MYO1E: variants seen among roughly 807,000 people sequenced by gnomAD.
MYO1E encodes the protein myosin IE.
Under a neutral mutation model 151.1 loss-of-function variants are expected in MYO1E, and 68 were observed. The observed-to-expected ratio is 0.45, with a 90% confidence interval of 0.37 to 0.55. The LOEUF is 0.55. MYO1E is among the 20% of genes least tolerant of loss of function. MYO1E has a pLI of 0.00. For synonymous variants in MYO1E, 601 were observed against 501.7 expected (o/e 1.20, Z -2.64); for missense variants, 1,363 against 1,389.3 (o/e 0.98, Z 0.30).
chr15:59,278,913 G>C (rs1208733064), intron 1 of MYO1E, among the ~76,000 whole-genome samples: 1 of 152,174 alleles, frequency 6.6e-6, no homozygotes, highest in African/African-American at 2.4e-5. Flanking sequence ...TGGAGAAACT[G>C]AAGCTTGGGG....
In MYO1E at chr15:59,207,196, A is replaced by G. The variant is rs1352869300; in HGVS notation, c.1530+1485T>C. ...TGGATCGGTGGGCATGGCCTGCGCT[A>G]TCAGCATCTTATTAAAAGGCTTGAG... On this transcript the variant is annotated intron_variant, in intron 14 of 27. Coordinates refer to ENST00000288235, the MANE Select transcript of MYO1E (RefSeq NM_004998.4). 6.2e-7 allele frequency: 1 copy of G among 1,614,106 alleles called. No homozygotes were observed. Among genetic ancestry groups the G allele is most frequent in the African/African-American group, 1.3e-5 (1 of 74,940 alleles).
At chr15:59,216,598 C>CTATCTACA (rs2079916345) in intron 10 of MYO1E, among the ~76,000 whole-genome samples, 1 of 116,254 alleles carries the variant, frequency 8.6e-6, no homozygotes, top group African/African-American at 3.3e-5. Context: ...GTGTGTGTAT[C>CTATCTACA]TATCTATCTA....
chr15:59,347,821 G>A (rs2080802914), intron 1 of MYO1E, among the ~76,000 whole-genome samples: 1 of 151,982 alleles, frequency 6.6e-6, no homozygotes, highest in Non-Finnish European at 1.5e-5. Context: ...GTAAATTTCG[G>A]GTGACATAAG....
chr15:59,365,337 T>C (rs927829876), intron 1 of MYO1E, among the ~76,000 whole-genome samples: 4 of 152,164 alleles, frequency 2.6e-5, no homozygotes, highest in Admixed American at 2.6e-4. Context: ...CTAAATTTCT[T>C]ATAATGAAGT....
chr15:59,148,512 A>T (rs1320689803), intron 26 of MYO1E, among the ~76,000 whole-genome samples: 1 of 152,232 alleles, frequency 6.6e-6, no homozygotes, highest in Non-Finnish European at 1.5e-5. Flanking sequence ...GCTCTTAAAA[A>T]TATGCTGTGT....
In MYO1E at chr15:59,138,244, G is replaced by T; in HGVS notation, c.3204C>A (p.Asp1068Glu). Residue 1068 changes from aspartate (D) to glutamate (E), a missense_variant, in exon 27 of 28, where the codon GAC (aspartate) becomes GAA (glutamate). Transcript: ENST00000288235. ...TGTCATTGGCATTAAAGCTGAGTTC[G>T]TCTGTGTCCTGAGCGTCATAGGCAT... ...ALYAYDAQDTDELSFNANDII... is the reference protein window; with the variant it reads ...ALYAYDAQDTEELSFNANDII... The T allele has an allele frequency of 6.2e-7, 1 of 1,614,162 alleles. No homozygotes were observed. Among genetic ancestry groups the T allele is most frequent in the Non-Finnish European group, 8.5e-7 (1 of 1,180,034 alleles).
At chr15:59,178,928 CAA>C (rs1403381438) in intron 18 of MYO1E, among the ~76,000 whole-genome samples, 1 of 152,182 alleles carries the variant, frequency 6.6e-6, no homozygotes, top group Non-Finnish European at 1.5e-5. Flanking sequence ...ACACTTAATG[CAA>C]AGAGTTTTAT....
At chr15:59,333,426 A>G (rs1405283109) in intron 1 of MYO1E, among the ~76,000 whole-genome samples, 1 of 152,046 alleles carries the variant, frequency 6.6e-6, no homozygotes, top group African/African-American at 2.4e-5. Context: ...TATTTTTTGT[A>G]GAGATGGAGT....
intron 26 of MYO1E, among the ~76,000 whole-genome samples, chr15:59,151,608 T>A (rs1251327185): frequency 6.6e-6 from 1 of 152,056 alleles, no homozygotes; most frequent in Non-Finnish European, 1.5e-5. Flanking sequence ...AAACATCAAA[T>A]AATAGGGCAT....
intron 1 of MYO1E, among the ~76,000 whole-genome samples, chr15:59,370,816 C>T (rs1470250020): frequency 6.6e-6 from 1 of 152,176 alleles, no homozygotes; most frequent in Non-Finnish European, 1.5e-5. Flanking sequence ...CAGTAAGATT[C>T]TTTAAGTTCT....
At chr15:59,237,474 T>C (rs2080073655) in intron 4 of MYO1E, among the ~76,000 whole-genome samples, 1 of 152,354 alleles carries the variant, frequency 6.6e-6, no homozygotes, top group South Asian at 2.1e-4. Flanking sequence ...CCTGAATTGA[T>C]AATGACCTCA....
chr15:59,144,483 T>G (rs868023057), intron 26 of MYO1E, among the ~76,000 whole-genome samples: 2 of 151,948 alleles, frequency 1.3e-5, no homozygotes, highest in African/African-American at 2.4e-5. Flanking sequence ...TTTTTAGAGA[T>G]GAAGTTTTGC....
At chr15:59,298,372 C>G (rs566751680) in intron 1 of MYO1E, among the ~76,000 whole-genome samples, 2 of 152,170 alleles carry the variant, frequency 1.3e-5, no homozygotes, top group African/African-American at 4.8e-5. Context: ...TGAGGTTGCC[C>G]GATAGCTGTG....
chr15:59,186,996 G>A (rs1436780229), intron 18 of MYO1E, among the ~76,000 whole-genome samples: 17 of 152,104 alleles, frequency 1.1e-4, no homozygotes, highest in Admixed American at 1.1e-3. Flanking sequence ...ATTTATACAT[G>A]GATTGTACAA....
At position 59,132,883 on chromosome 15, in the gene MYO1E, A is replaced by G. The variant is rs978964963; in HGVS notation, c.*4497T>C. On this transcript the variant is annotated 3_prime_UTR_variant, in exon 28 of 28. Transcript: ENST00000288235. ...TAATGGTCTTGGAAAGAGATGAATC[A>G]GAGGATTCAGATTTGTTAGATGGAG... 6.6e-6 allele frequency: 1 copy of G among 152,244 alleles called. No individual in the cohort carries two copies. Among genetic ancestry groups the G allele is most frequent in the Non-Finnish European group, 1.5e-5 (1 of 68,044 alleles). 9.4% of individuals were successfully genotyped at this position (152,244 alleles called of 1,614,324 possible).
chr15:59,230,297 CA>C (rs1229072525), intron 6 of MYO1E, among the ~76,000 whole-genome samples: 1 of 150,902 alleles, frequency 6.6e-6, no homozygotes, highest in Non-Finnish European at 1.5e-5. Context: ...ATCTTTCTAT[CA>C]GGGTTGTATA....
At chr15:59,365,950 A>G (rs1159682030) in intron 1 of MYO1E, among the ~76,000 whole-genome samples, 4 of 152,122 alleles carry the variant, frequency 2.6e-5, no homozygotes, top group African/African-American at 9.7e-5. Flanking sequence ...AAAATAAAAA[A>G]TAAGGCCCTC....
intron 18 of MYO1E, 65 bp from the exon 19 acceptor site, chr15:59,178,602 C>T: frequency 1.3e-6 from 2 of 1,579,742 alleles, no homozygotes; most frequent in South Asian, 1.2e-5. Context: ...TCTACCCGGG[C>T]AAGGCAGCAA....
chr15:59,249,200 G>A (rs1208240856), intron 4 of MYO1E, among the ~76,000 whole-genome samples: 3 of 152,090 alleles, frequency 2.0e-5, no homozygotes, highest in Non-Finnish European at 2.9e-5. Context: ...GAGGCGGGTG[G>A]ATCACGAGAT....
Sources: gnomAD v4.1 joint callset for allele counts (sites outside exome capture counted in the v4.1 genomes callset) on GRCh38, gnomAD v4.1.1 for gene constraint, MANE v1.5 for transcripts, NCBI Gene and HGNC (gene_info 2026-07-23, HGNC 2026-07-21) for gene names.